The following RGS7 variants were observed in gnomAD, a reference collection of about 807,000 sequenced individuals.
RGS7 encodes regulator of G-protein signaling 7.
RGS7 carries 27 observed loss-of-function variants against 81.1 expected under a neutral mutation model. The ratio of observed to expected loss-of-function variants is 0.33; its 90% CI spans 0.25 to 0.46. The LOEUF (loss-of-function observed/expected upper bound fraction) is 0.46. Ranked by LOEUF, RGS7 falls within the 20% of genes least tolerant of loss-of-function variation. RGS7 has a pLI of 1.00. For synonymous variants in RGS7, 208 were observed against 207.7 expected, an observed-to-expected ratio of 1.00 and a Z score of -0.01; for missense variants, 396 against 607.4, an observed-to-expected ratio of 0.65 and a Z score of 3.66.
intron 2 of RGS7, among the ~76,000 whole-genome samples, chr1:241,177,758 T>G (rs893752452): frequency 6.6e-6 from 1 of 152,092 alleles, no homozygotes; most frequent in Non-Finnish European, 1.5e-5. Context: ...GACTTCCTAG[T>G]TGACTGAAAG....
chr1:241,352,714 A>G (rs1008356597), intron 2 of RGS7, among the ~76,000 whole-genome samples: 1 of 152,218 alleles, frequency 6.6e-6, no homozygotes, highest in Non-Finnish European at 1.5e-5. Context: ...CATTTTTTCC[A>G]TAAGATTCCT....
chr1:241,159,740 G>A (rs937202436), intron 2 of RGS7, among the ~76,000 whole-genome samples: 1 of 152,098 alleles, frequency 6.6e-6, no homozygotes, highest in Non-Finnish European at 1.5e-5. Flanking sequence ...GTGATACTGA[G>A]TTAAGTATAC....
chr1:240,938,086 A>C (rs867488651), intron 4 of RGS7, among the ~76,000 whole-genome samples: 5 of 150,796 alleles, frequency 3.3e-5, no homozygotes, highest in African/African-American at 1.2e-4. Context: ...CTACCCCAAC[A>C]AAAAAAATAT....
At chr1:241,342,944 A>G (rs929443488) in intron 2 of RGS7, among the ~76,000 whole-genome samples, 4 of 152,022 alleles carry the variant, frequency 2.6e-5, no homozygotes, top group African/African-American at 9.7e-5. Flanking sequence ...CCACTAGAGA[A>G]CACGGTATGG....
chr1:241,263,364 A>G (rs1034772945), intron 2 of RGS7, among the ~76,000 whole-genome samples: 4 of 152,178 alleles, frequency 2.6e-5, no homozygotes, highest in African/African-American at 7.2e-5. Context: ...ATCTGCTTTC[A>G]GCCAACAGCC....
chr1:241,013,265 G>C (rs1393515867), intron 3 of RGS7, among the ~76,000 whole-genome samples: 1 of 151,984 alleles, frequency 6.6e-6, no homozygotes, highest in African/African-American at 2.4e-5. Flanking sequence ...GTTTCACCCT[G>C]TTGGCCAGGC....
intron 4 of RGS7, among the ~76,000 whole-genome samples, chr1:240,952,187 A>C (rs1379033610): frequency 6.6e-6 from 1 of 152,130 alleles, no homozygotes; most frequent in African/African-American, 2.4e-5. Flanking sequence ...TTCTACATAC[A>C]TAAAGAAAGA....
At chr1:241,033,483 T>G (rs990354504) in intron 3 of RGS7, among the ~76,000 whole-genome samples, 1 of 152,116 alleles carries the variant, frequency 6.6e-6, no homozygotes, top group Non-Finnish European at 1.5e-5. Flanking sequence ...ATATTAAAAT[T>G]TTTATACAAT....
intron 11 of RGS7, 101 bp from the exon 12 acceptor site, chr1:240,814,878 TC>T (rs1489268473): frequency 1.3e-6 from 1 of 778,536 alleles, no homozygotes; most frequent in African/African-American, 1.7e-5. Flanking sequence ...AAGAGTATAG[TC>T]TACGTCAGTA....
chr1:241,164,751 A>G lies in RGS7; in HGVS notation c.79-65989T>C, dbSNP rs887740353. Among the ~76,000 whole-genome samples the G allele has an allele frequency of 6.6e-6, 1 of 152,246 alleles. No homozygotes were observed. The highest frequency in any genetic ancestry group is 2.4e-5 in the African/African-American group (1 of 41,472). Reference sequence around the variant, plus strand: ...CACATCCCCTACTCAGATTCTGCGCATGGGCCACCGATTTGCAAGTGGCAT... The same window carrying G: ...CACATCCCCTACTCAGATTCTGCGCGTGGGCCACCGATTTGCAAGTGGCAT... On this transcript the variant is annotated intron_variant, in intron 2 of 18. Coordinates refer to ENST00000440928, the MANE Select transcript of RGS7 (RefSeq NM_001364886.1). The surrounding 1 kb of genome is among the most constrained non-coding windows in gnomAD (Gnocchi z 4.1).
At chr1:240,915,984 T>A (rs1672535730) in intron 6 of RGS7, among the ~76,000 whole-genome samples, 1 of 151,398 alleles carries the variant, frequency 6.6e-6, no homozygotes, top group South Asian at 2.1e-4. Flanking sequence ...ACAGGAAATG[T>A]CAGGCGCAGT....
At chr1:240,829,684 C>T (rs1693479977) in intron 9 of RGS7, among the ~76,000 whole-genome samples, 1 of 152,080 alleles carries the variant, frequency 6.6e-6, no homozygotes, top group South Asian at 2.1e-4. Context: ...GTAATCTCAG[C>T]ATTTGGAGAG....
intron 2 of RGS7, among the ~76,000 whole-genome samples, chr1:241,342,273 C>T (rs1378903078): frequency 1.3e-5 from 2 of 151,996 alleles, no homozygotes; most frequent in Admixed American, 6.5e-5. Flanking sequence ...ACTATAAAGG[C>T]AGGAATAGGA....
chr1:241,154,589 G>A (rs1039554114), intron 2 of RGS7, among the ~76,000 whole-genome samples: 1 of 152,252 alleles, frequency 6.6e-6, no homozygotes, highest in Non-Finnish European at 1.5e-5. Context: ...TACTGGGTTA[G>A]GGTGTCTCCC....
At chr1:241,092,914 A>C (rs996486184) in intron 3 of RGS7, among the ~76,000 whole-genome samples, 6 of 152,164 alleles carry the variant, frequency 3.9e-5, no homozygotes, top group African/African-American at 1.4e-4. Context: ...GGGATGAATC[A>C]CATGAGAAAA....
intron 2 of RGS7, among the ~76,000 whole-genome samples, chr1:241,123,212 T>C (rs2066409528): frequency 6.6e-6 from 1 of 152,152 alleles, no homozygotes; most frequent in Non-Finnish European, 1.5e-5. Context: ...AGGACTTCAG[T>C]GTGGCTGGAC....
At chr1:241,286,732 C>T (rs1455189892) in intron 2 of RGS7, among the ~76,000 whole-genome samples, 1 of 152,192 alleles carries the variant, frequency 6.6e-6, no homozygotes, top group Non-Finnish European at 1.5e-5. Flanking sequence ...GCCAGCCCAA[C>T]TATAGTAATT....
intron 10 of RGS7, among the ~76,000 whole-genome samples, chr1:240,816,905 A>G (rs1266254713): frequency 6.6e-6 from 1 of 152,222 alleles, no homozygotes; most frequent in Non-Finnish European, 1.5e-5. Flanking sequence ...TGATGGTGCA[A>G]TAGAAGACAC....
intron 2 of RGS7, among the ~76,000 whole-genome samples, chr1:241,344,072 G>A (rs371138047): frequency 6.6e-6 from 1 of 152,058 alleles, no homozygotes; most frequent in East Asian, 1.9e-4. Context: ...TATCCTAAAT[G>A]ATATACGGGA....
Sources: gnomAD v4.1 joint callset for allele counts (sites outside exome capture counted in the v4.1 genomes callset) on GRCh38, gnomAD v4.1.1 for gene constraint, Gnocchi (gnomAD v3.1) non-coding constraint, MANE v1.5 for transcripts, NCBI Gene and HGNC (gene_info 2026-07-23, HGNC 2026-07-21) for gene names.